CDH18: variants seen among roughly 807,000 people sequenced by gnomAD.
CDH18 encodes cadherin 18, also known as cadherin-18.
CDH18 carries 31 observed loss-of-function variants against 67.9 expected under a neutral mutation model. That is an observed-to-expected ratio of 0.46 (90% CI 0.34 to 0.62). The LOEUF (loss-of-function observed/expected upper bound fraction) is 0.62, where lower values mean the gene tolerates loss of function less well. CDH18 is among the 20% of genes least tolerant of loss of function. The pLI is 0.01. For missense variants in CDH18, 890 were observed against 975.5 expected (o/e 0.91, Z 1.17); for synonymous variants, 362 against 347.2 (o/e 1.04, Z -0.48).
chr5:20,245,131 T>C (rs1193016499), intron 2 of CDH18, among the ~76,000 whole-genome samples: 1 of 152,126 alleles, frequency 6.6e-6, no homozygotes, highest in Non-Finnish European at 1.5e-5. Flanking sequence ...CAGAGCAGGC[T>C]TAATAAATAA....
rs149113153 is a variant in CDH18, at chr5:20,020,058, C to T, written c.-517-28044G>A. On this transcript the variant is annotated intron_variant, in intron 2 of 14. Coordinates refer to the CDH18 transcript ENST00000507958. ...AGCAGAGACTGGTGGCATTTGTGCC[C>T]CTGCTCTAGGGATCTGTGGAACTTT... 9.2e-5 allele frequency among the ~76,000 whole-genome samples: 14 copies of T among 152,228 alleles called. No homozygotes were observed. The East Asian group carries it at 2.7e-3, about 29-fold the overall frequency.
At chr5:20,350,752 A>C (rs2150056535) in intron 1 of CDH18, among the ~76,000 whole-genome samples, 1 of 152,300 alleles carries the variant, frequency 6.6e-6, no homozygotes, top group Admixed American at 6.5e-5. Flanking sequence ...AATAAGATAT[A>C]TGAAGGTAGT....
intron 1 of CDH18, among the ~76,000 whole-genome samples, chr5:20,398,423 T>C (rs151187850): frequency 2.3e-3 from 350 of 152,324 alleles, no homozygotes; most frequent in Middle Eastern, 0.014. Flanking sequence ...GTCACATTCA[T>C]TGAACAAGAG....
In CDH18 at chr5:19,516,276, T is replaced by C. The variant is rs143664640; in HGVS notation, c.1512+4381A>G. ...CAGTATTTTATTGAGGATTTTCACA[T>C]TGATATTCATCAGGGATATTGGTCT... On this transcript the variant is annotated intron_variant, in intron 10 of 12. Coordinates refer to ENST00000382275, the MANE Select transcript of CDH18 (RefSeq NM_004934.5). 8.7e-3 allele frequency among the ~76,000 whole-genome samples: 1,330 copies of C among 152,326 alleles called. 23 individuals are homozygous for C. The highest frequency in any genetic ancestry group is 0.031 in the African/African-American group (1,271 of 41,574).
intron 2 of CDH18, among the ~76,000 whole-genome samples, chr5:19,866,160 A>G (rs1561470701): frequency 6.6e-6 from 1 of 152,226 alleles, no homozygotes; most frequent in Admixed American, 6.5e-5. Context: ...AAACACATGA[A>G]GCATTTTCTC....
intron 2 of CDH18, among the ~76,000 whole-genome samples, chr5:20,074,911 C>A (rs899713680): frequency 1.9e-4 from 29 of 151,968 alleles, no homozygotes; most frequent in African/African-American, 7.0e-4. Flanking sequence ...CTGTATTAGT[C>A]GTTTAACTTG....
chr5:20,228,947 C>T (rs1453554131), intron 2 of CDH18, among the ~76,000 whole-genome samples: 2 of 152,078 alleles, frequency 1.3e-5, no homozygotes, highest in South Asian at 2.1e-4. Context: ...TCTGATGTAG[C>T]ATATGCACTT....
intron 2 of CDH18, among the ~76,000 whole-genome samples, chr5:19,978,627 T>C (rs956429016): frequency 6.6e-6 from 1 of 152,172 alleles, no homozygotes; most frequent in East Asian, 1.9e-4. Context: ...CATGGCTGTA[T>C]TCCGTTCTAG....
chr5:19,721,207 T>A, intron 5 of CDH18, 140 bp downstream of exon 5: 1 of 782,640 alleles, frequency 1.3e-6, no homozygotes, highest in Middle Eastern at 2.6e-4. Context: ...CATTACATTG[T>A]TTTAGAAAAA....
At chr5:20,098,624 T>G (rs1387371555) in intron 2 of CDH18, among the ~76,000 whole-genome samples, 1 of 152,144 alleles carries the variant, frequency 6.6e-6, no homozygotes, top group Admixed American at 6.5e-5. Flanking sequence ...AATAATAATT[T>G]ATTGTCATTT....
intron 2 of CDH18, among the ~76,000 whole-genome samples, chr5:20,244,863 AAG>A (rs33983339): frequency 0.12 from 18,546 of 152,094 alleles, 1,519 homozygotes; most frequent in African/African-American, 0.23. Flanking sequence ...AAATCAAGGA[AAG>A]AGAGAGAAAG....
chr5:19,804,276 TGG>T (rs1183222057), intron 3 of CDH18, among the ~76,000 whole-genome samples: 1 of 150,486 alleles, frequency 6.6e-6, no homozygotes, highest in Non-Finnish European at 1.5e-5. Context: ...CACTCCAGCC[TGG>T]GGGACAGAGC....
chr5:20,425,574 T>C (rs1748240426), intron 1 of CDH18, among the ~76,000 whole-genome samples: 2 of 151,060 alleles, frequency 1.3e-5, no homozygotes, highest in South Asian at 4.1e-4. Context: ...TAGTTCCATA[T>C]AACACATAGG....
chr5:19,959,635 T>C (rs556569177), intron 2 of CDH18, among the ~76,000 whole-genome samples: 1 of 152,234 alleles, frequency 6.6e-6, no homozygotes, highest in South Asian at 2.1e-4. Context: ...TAAACATATA[T>C]TTTCCATATT....
chr5:20,497,138 A>G (rs1336483654), intron 1 of CDH18, among the ~76,000 whole-genome samples: 2 of 152,118 alleles, frequency 1.3e-5, no homozygotes, highest in African/African-American at 4.8e-5. Context: ...ATAAAGGCCA[A>G]TGAAGCTGGG....
chr5:19,530,887 T>TATAC (rs35889441), intron 9 of CDH18, among the ~76,000 whole-genome samples: 77,338 of 151,680 alleles, frequency 0.51, 20,729 homozygotes, highest in African/African-American at 0.69. Flanking sequence ...AGTGCCGCAA[T>TATAC]ATACCCTTGC....
Position 20,459,219 on chromosome 5 carries a change from G to T in CDH18, c.-580+116243C>A, listed in dbSNP as rs187108218. Among the ~76,000 whole-genome samples, 936 of 152,300 alleles carry T rather than the reference G, an allele frequency of 6.1e-3. 1 individual carries two copies. Among genetic ancestry groups the T allele is most frequent in the Non-Finnish European group, 9.4e-3 (638 of 68,024 alleles). On this transcript the variant is annotated intron_variant, in intron 1 of 14. Transcript: ENST00000507958. ...GTTGGTCAAGGGATCAGCTTGCATG[G>T]AATAGGCATTTCATAAACGTGAGCA...
At chr5:19,983,997 T>C (rs1799315096) in intron 1 of CDH18, among the ~76,000 whole-genome samples, 1 of 152,172 alleles carries the variant, frequency 6.6e-6, no homozygotes. Context: ...CAAATGGATG[T>C]CTTCAACATT....
chr5:20,476,390 A>C (rs1293687837), intron 1 of CDH18, among the ~76,000 whole-genome samples: 3 of 152,108 alleles, frequency 2.0e-5, no homozygotes, highest in Admixed American at 1.3e-4. Context: ...ATAAAGAAAA[A>C]ACTGAACAAT....
Sources: gnomAD v4.1 joint callset for allele counts (sites outside exome capture counted in the v4.1 genomes callset) on GRCh38, gnomAD v4.1.1 for gene constraint, MANE v1.5 for transcripts, NCBI Gene and HGNC (gene_info 2026-07-23, HGNC 2026-07-21) for gene names.